The following WDR88 variants were observed in gnomAD, a reference collection of about 807,000 sequenced individuals.
WDR88 encodes WD repeat-containing protein 88.
WDR88 carries 40 observed loss-of-function variants against 46.8 expected under a neutral mutation model. That is an observed-to-expected ratio of 0.86 (90% CI 0.66 to 1.11). The LOEUF (loss-of-function observed/expected upper bound fraction) is 1.11. WDR88 is among the 50% of genes most tolerant of loss of function. The pLI, the probability that WDR88 is intolerant of heterozygous loss-of-function variation, is 0.00. For synonymous variants in WDR88, 235 were observed against 240.7 expected (o/e 0.98, Z 0.22); for missense variants, 562 against 602.4 (o/e 0.93, Z 0.70).
chr19:33,174,349 C>G, intron 10 of WDR88: 2 of 1,458,400 alleles, frequency 1.4e-6, no homozygotes, highest in Non-Finnish European at 1.8e-6. Context: ...GTGGGCAGAA[C>G]AGCAAAGCCC....
At chr19:33,157,729 A>AAT in intron 7 of WDR88, among the ~76,000 whole-genome samples, 1 of 61,586 alleles carries the variant, frequency 1.6e-5, no homozygotes, top group East Asian at 5.6e-4. Flanking sequence ...ATATATATAT[A>AAT]TATATATAAA....
chr19:33,139,301 C>T (rs1973341659), intron 2 of WDR88, among the ~76,000 whole-genome samples: 2 of 152,220 alleles, frequency 1.3e-5, no homozygotes, highest in African/African-American at 4.8e-5. Flanking sequence ...GCATGGCCAG[C>T]AGGCCCAGGC....
At chr19:33,156,701 A>G (rs1417075081) in intron 7 of WDR88, among the ~76,000 whole-genome samples, 159 bp downstream of exon 7, 1 of 152,210 alleles carries the variant, frequency 6.6e-6, no homozygotes, top group African/African-American at 2.4e-5. Flanking sequence ...GGAAGACCAC[A>G]GGTACCAGTT....
At chr19:33,149,009 G>A (rs1360338025) in intron 5 of WDR88, 99 bp downstream of exon 5, 1 of 1,543,558 alleles carries the variant, frequency 6.5e-7, no homozygotes, top group Non-Finnish European at 8.8e-7. Flanking sequence ...TGGTGAAACT[G>A]TAATGGTATG....
rs1167166894 is a variant in WDR88, at chr19:33,174,986, G to A, written c.1243-410G>A. The stretch of plus-strand genomic sequence containing the variant: ...CCAGTGGCTCACGCCTGTAATCCCA[G>A]CACTCTGGGCTGCCAAGGTGGGTGG... On this transcript the variant is annotated intron_variant, in intron 10 of 10. Coordinates refer to ENST00000355868, the MANE Select transcript of WDR88 (RefSeq NM_173479.4). 3 of 985,354 alleles carry A rather than the reference G, an allele frequency of 3.0e-6. No homozygotes were observed. The African/African-American group carries it at 5.2e-5, about 17-fold the overall frequency. The allele number at this position is 985,354 out of a possible 1,614,324, so 61.0% of individuals were successfully genotyped here.
At chr19:33,159,329 T>C (rs1281476825) in intron 7 of WDR88, among the ~76,000 whole-genome samples, 3 of 147,830 alleles carry the variant, frequency 2.0e-5, no homozygotes, top group Non-Finnish European at 4.5e-5. Flanking sequence ...CAAGACCTTA[T>C]CTCTAAAAAT....
intron 6 of WDR88, among the ~76,000 whole-genome samples, chr19:33,152,250 T>C (rs1973650537): frequency 1.3e-5 from 2 of 151,814 alleles, no homozygotes; most frequent in Admixed American, 1.3e-4. Context: ...TATATATATA[T>C]ATACACGCAC....
chr19:33,173,890 G>A (rs760511811), intron 10 of WDR88, among the ~76,000 whole-genome samples: 13 of 152,060 alleles, frequency 8.5e-5, no homozygotes, highest in Admixed American at 5.2e-4. Flanking sequence ...TCGCTCTGTC[G>A]CCCAGGCTGG....
chr19:33,139,893 C>T (rs1458299365), intron 2 of WDR88, among the ~76,000 whole-genome samples: 2 of 152,076 alleles, frequency 1.3e-5, no homozygotes, highest in East Asian at 1.9e-4. Context: ...TGTGGTGGAC[C>T]CCACGTTTAG....
At chr19:33,160,942 T>C (rs1973854311) in intron 8 of WDR88, among the ~76,000 whole-genome samples, 1 of 151,956 alleles carries the variant, frequency 6.6e-6, no homozygotes, top group African/African-American at 2.4e-5. Context: ...GAGGCTGAGG[T>C]GGGCGGATCA....
intron 7 of WDR88, among the ~76,000 whole-genome samples, chr19:33,159,997 A>G (rs1973836548): frequency 6.6e-6 from 1 of 152,002 alleles, no homozygotes; most frequent in South Asian, 2.1e-4. Flanking sequence ...AATCCCTCGC[A>G]TCCGCAGTTC....
At position 33,148,901 on chromosome 19, in the gene WDR88, G is replaced by A. The variant is rs138538856; in HGVS notation, c.670G>A (p.Val224Ile). 5.8e-4 allele frequency: 944 copies of A among 1,614,056 alleles called. 4 individuals are homozygous for A. The African/African-American group carries it at 0.01, about 18-fold the overall frequency. ...CGCCGAGAACATCACCACCGTTTCCGTCATCAAAGGTGAGGGTGTGCGGGC... is the reference window on the plus strand; with the variant it reads ...CGCCGAGAACATCACCACCGTTTCCATCATCAAAGGTGAGGGTGTGCGGGC... ...MDAENITTVSVIKDHHTRSIT... is the reference protein window; with the variant it reads ...MDAENITTVSIIKDHHTRSIT... Residue 224 changes from valine (V) to isoleucine (I), a missense_variant, in exon 5 of 11, where the codon GTC becomes ATC. Physicochemically the swap from Val to Ile is conservative, Grantham distance 29. Transcript: ENST00000355868.
intron 6 of WDR88, among the ~76,000 whole-genome samples, chr19:33,155,482 A>G (rs1377061111): frequency 1.3e-5 from 2 of 152,152 alleles, no homozygotes; most frequent in Non-Finnish European, 2.9e-5. Flanking sequence ...CAACACTGAA[A>G]TATACTTGAA....
At chr19:33,160,565 G>T (rs1973848669) in intron 8 of WDR88, 69 bp downstream of exon 8, 7 of 1,531,692 alleles carry the variant, frequency 4.6e-6, no homozygotes, top group South Asian at 1.1e-5. Flanking sequence ...CTCAATGCTG[G>T]TTGCTGGGGA....
At chr19:33,167,017 T>G (rs936886609) in intron 9 of WDR88, among the ~76,000 whole-genome samples, 2 of 152,184 alleles carry the variant, frequency 1.3e-5, no homozygotes, top group Non-Finnish European at 1.5e-5. Flanking sequence ...TAGGATTGAT[T>G]AAATACATAT....
rs1568355306 is a variant in WDR88 at position 33,132,362 on chromosome 19, A to G, written c.193A>G (p.Arg65Gly). Residue 65 changes from arginine to glycine, a missense_variant, in exon 1 of 11, where the codon AGG (arginine) becomes GGG (glycine). Coordinates refer to ENST00000355868, the MANE Select transcript of WDR88 (RefSeq NM_173479.4). ...LATLDPLALD[R>G]EPPPHLLPEK... is the part of the protein sequence containing the mutation. Reference sequence around the variant, plus strand: ...CACCCTCGACCCCCTGGCCTTGGACAGGGAACCACCACCGCATCTGTTGCC... The same window carrying G: ...CACCCTCGACCCCCTGGCCTTGGACGGGGAACCACCACCGCATCTGTTGCC... The G allele has an allele frequency of 6.2e-7, 1 of 1,614,116 alleles. No homozygotes were observed. The highest frequency in any genetic ancestry group is 8.5e-7 in the Non-Finnish European group (1 of 1,180,004).
At chr19:33,146,432 TTTCCTTCCTTCCTTCC>T (rs146586878) in intron 3 of WDR88, among the ~76,000 whole-genome samples, 3 of 146,538 alleles carry the variant, frequency 2.0e-5, no homozygotes, top group Non-Finnish European at 4.5e-5. Flanking sequence ...TTAGGTCCTA[TTTCCTTCCTTCCTTCC>T]TTCCTTCCTT....
At chr19:33,160,691 G>A (rs1490124116) in intron 8 of WDR88, among the ~76,000 whole-genome samples, 195 bp downstream of exon 8, 2 of 152,200 alleles carry the variant, frequency 1.3e-5, no homozygotes, top group African/African-American at 4.8e-5. Flanking sequence ...ACAACAGGGT[G>A]ACATGATGGG....
chr19:33,169,666 C>CAAAA (rs33941385), intron 9 of WDR88, among the ~76,000 whole-genome samples: 2 of 81,736 alleles, frequency 2.4e-5, no homozygotes, highest in Non-Finnish European at 2.5e-5. Flanking sequence ...GACCCAGTCT[C>CAAAA]AAAAAAAAAA....
Sources: gnomAD v4.1 joint callset for allele counts (sites outside exome capture counted in the v4.1 genomes callset) on GRCh38, gnomAD v4.1.1 for gene constraint, MANE v1.5 for transcripts, NCBI Gene and HGNC (gene_info 2026-07-23, HGNC 2026-07-21) for gene names.